Variants in TMX2 observed in about 807,000 individuals in gnomAD.
TMX2 encodes the protein thioredoxin-related transmembrane protein 2.
In TMX2, 20 loss-of-function variants were observed where a neutral mutation model predicts 33.4. That is an observed-to-expected ratio of 0.60 (90% CI 0.42 to 0.87). TMX2 has a LOEUF of 0.87. Among genes scored for constraint, TMX2 ranks in the 40% least tolerant of loss-of-function variants. TMX2 has a pLI of 0.00. For missense variants in TMX2, 340 were observed against 370.7 expected, an observed-to-expected ratio of 0.92 and a Z score of 0.68; for synonymous variants, 166 against 140.7, an observed-to-expected ratio of 1.18 and a Z score of -1.27.
At chr11:57,714,296 T>C (rs1946832425) in intron 1 of TMX2, among the ~76,000 whole-genome samples, 2 of 152,202 alleles carry the variant, frequency 1.3e-5, no homozygotes, top group South Asian at 4.1e-4. Context: ...AAGATGGCAT[T>C]GTAGATGAGT....
chr11:57,721,831 T>C (rs925637953), intron 1 of TMX2, among the ~76,000 whole-genome samples: 1 of 152,166 alleles, frequency 6.6e-6, no homozygotes, highest in Non-Finnish European at 1.5e-5. Context: ...GTGTTTCCTG[T>C]AGTATCCCAC....
Position 57,716,422 on chromosome 11 carries a change from GCGGC to G in TMX2, c.189+3616_189+3619del, listed in dbSNP as rs1947045899. Among the ~76,000 whole-genome samples the G allele has an allele frequency of 1.1e-4, 15 of 135,338 alleles. 1 individual carries two copies. Among genetic ancestry groups the G allele is most frequent in the African/African-American group, 4.1e-4 (15 of 36,970 alleles). The allele number at this position is 135,338 out of a possible 152,430, so 88.8% of individuals were successfully genotyped here. Reference sequence around the variant, plus strand: ...CCCCCCCACCTCCCTCCCGGACGGGGCGGCTGGCCGGGCGGGGGGCTGACCCCCC... The same window carrying G: ...CCCCCCCACCTCCCTCCCGGACGGGGTGGCCGGGCGGGGGGCTGACCCCCC... On this transcript the variant is annotated intron_variant, in intron 1 of 7. Transcript: ENST00000278422.
At chr11:57,730,880 A>G (rs970391977) in intron 1 of TMX2, among the ~76,000 whole-genome samples, 3 of 152,224 alleles carry the variant, frequency 2.0e-5, no homozygotes, top group African/African-American at 4.8e-5. Flanking sequence ...TACGGTTAGT[A>G]AGAAGGAATT....
intron 2 of TMX2, 104 bp from the exon 3 acceptor site, chr11:57,737,809 A>G (rs753263273): frequency 1.6e-5 from 26 of 1,607,466 alleles, no homozygotes; most frequent in South Asian, 7.7e-5. Context: ...TTGGACTTCT[A>G]TCCCCTCCCT....
At chr11:57,728,716 A>C (rs1948160985) in intron 1 of TMX2, among the ~76,000 whole-genome samples, 1 of 152,200 alleles carries the variant, frequency 6.6e-6, no homozygotes, top group East Asian at 1.9e-4. Flanking sequence ...TTGTGTGAGG[A>C]ACTGAACTGT....
chr11:57,734,860 G>A (rs1412252080), intron 1 of TMX2, among the ~76,000 whole-genome samples: 1 of 151,978 alleles, frequency 6.6e-6, no homozygotes, highest in African/African-American at 2.4e-5. Flanking sequence ...TCCTGGCAGG[G>A]CAGGGTGGCT....
chr11:57,712,901 C>T (rs1277636738), intron 1 of TMX2, 94 bp downstream of exon 1: 2 of 1,365,334 alleles, frequency 1.5e-6, no homozygotes, highest in Non-Finnish European at 2.0e-6. Context: ...TCTGAGGACA[C>T]CTGAGGTTCC....
intron 1 of TMX2, among the ~76,000 whole-genome samples, chr11:57,730,231 A>T (rs1335315310): frequency 6.6e-6 from 1 of 151,254 alleles, no homozygotes; most frequent in Non-Finnish European, 1.5e-5. Context: ...GTTCGAGACC[A>T]GCCTGGCCAA....
In TMX2 at chr11:57,739,234, C is replaced by T. The variant is rs897061272; in HGVS notation, c.718C>T (p.Arg240Trp). The stretch of plus-strand genomic sequence containing the variant: ...GCGGCCACAGATTGACAAGAAAGGA[C>T]GGGCTGTCTCATGGACCTTCTCTGA... The part of the protein sequence containing the change: ...MRRPQIDKKG[R>W]AVSWTFSEEN... The change falls in exon 7 of 8, where the codon CGG becomes TGG. Residue 240 changes from arginine to tryptophan, a missense_variant. Arg to Trp is a moderately radical substitution (Grantham distance 101). Coordinates refer to ENST00000278422, the MANE Select transcript of TMX2 (RefSeq NM_015959.4). 4.3e-6 allele frequency: 7 copies of T among 1,613,928 alleles called. No individual in the cohort carries two copies. Among genetic ancestry groups the T allele is most frequent in the African/African-American group, 1.3e-5 (1 of 74,872 alleles).
At chr11:57,716,919 G>A (rs1184823868) in intron 1 of TMX2, among the ~76,000 whole-genome samples, 6 of 150,762 alleles carry the variant, frequency 4.0e-5, no homozygotes, top group East Asian at 2.0e-4. Context: ...GGTTGGTGCC[G>A]GGCAGAGGGG....
At chr11:57,718,348 A>G in intron 1 of TMX2, 1 of 1,529,732 alleles carries the variant, frequency 6.5e-7, no homozygotes, top group Admixed American at 1.7e-5. Flanking sequence ...TCACCACCTG[A>G]TACATAAACC....
intron 1 of TMX2, among the ~76,000 whole-genome samples, chr11:57,725,106 C>G (rs1026921567): frequency 6.6e-6 from 1 of 151,774 alleles, no homozygotes; most frequent in African/African-American, 2.4e-5. Context: ...GGATGTTTTC[C>G]CCTTTCTAGT....
rs747160927 is a variant in TMX2, at chr11:57,712,696, C to T, written c.78C>T (p.Tyr26=). 6 of 1,614,202 alleles carry T rather than the reference C, an allele frequency of 3.7e-6. No individual in the cohort carries two copies. The South Asian group carries it at 4.4e-5, about 12-fold the overall frequency. ...RLSRWLAQPY[Y]LLSALLSAAF... is the part of the protein sequence containing the mutation. ...CACGATGGCTCGCCCAACCTTACTA[C>T]CTTCTGTCGGCCCTGCTCTCTGCTG... Residue 26 remains tyrosine, a synonymous_variant, in exon 1 of 8, where the codon TAC becomes TAT. Coordinates refer to ENST00000278422, the MANE Select transcript of TMX2 (RefSeq NM_015959.4).
At chr11:57,729,688 GGTT>G (rs1948231641) in intron 1 of TMX2, among the ~76,000 whole-genome samples, 1 of 152,112 alleles carries the variant, frequency 6.6e-6, no homozygotes, top group African/African-American at 2.4e-5. Context: ...ACAAAAAGGA[GGTT>G]GTTATGAGTC....
chr11:57,740,297 T>A lies in TMX2; in HGVS notation c.*52T>A. 2 of 1,529,358 alleles carry A rather than the reference T, an allele frequency of 1.3e-6. No individual in the cohort carries two copies. The highest frequency in any genetic ancestry group is 1.8e-6 in the Non-Finnish European group (2 of 1,142,328). The allele number at this position is 1,529,358 out of a possible 1,614,324, so 94.7% of individuals were successfully genotyped here. On this transcript the variant is annotated 3_prime_UTR_variant, in exon 8 of 8. Coordinates refer to ENST00000278422, the MANE Select transcript of TMX2 (RefSeq NM_015959.4). Reference sequence around the variant, plus strand: ...TCCTGTCAATTCCAGGCTCTTTCCATAACCACAAGCCTGAGGCTGCAGCCT... The same window carrying A: ...TCCTGTCAATTCCAGGCTCTTTCCAAAACCACAAGCCTGAGGCTGCAGCCT...
chr11:57,730,678 C>T (rs752240477), intron 1 of TMX2, among the ~76,000 whole-genome samples: 6 of 151,976 alleles, frequency 3.9e-5, no homozygotes, highest in Admixed American at 2.0e-4. Context: ...GCGGAGGTTG[C>T]AGTGAGCCGA....
intron 1 of TMX2, among the ~76,000 whole-genome samples, chr11:57,721,036 C>T (rs1344971664): frequency 3.4e-5 from 5 of 145,536 alleles, no homozygotes; most frequent in African/African-American, 1.3e-4. Flanking sequence ...AGGCCAGGTA[C>T]GGTGGCTGTA....
At position 57,737,931 on chromosome 11, in the gene TMX2, T is replaced by C. The variant is rs369636517; in HGVS notation, c.269T>C (p.Ile90Thr). 3.2e-5 allele frequency: 52 copies of C among 1,614,058 alleles called. No homozygotes were observed. The highest frequency in any genetic ancestry group is 3.8e-5 in the Non-Finnish European group (45 of 1,180,012). Reference sequence around the variant, plus strand: ...GTTTCAGTCACTGTGGAGCAACATATAGGCAACATTTTCATGTTTAGTAAA... The same window carrying C: ...GTTTCAGTCACTGTGGAGCAACATACAGGCAACATTTTCATGTTTAGTAAA... ...NRRSITVEQHIGNIFMFSKVA... is the reference protein window; with the variant it reads ...NRRSITVEQHTGNIFMFSKVA... Residue 90 changes from isoleucine (I) to threonine (T), a missense_variant, in exon 3 of 8, where the codon ATA becomes ACA. Transcript: ENST00000278422.
intron 1 of TMX2, chr11:57,718,450 C>T: frequency 8.9e-7 from 1 of 1,124,008 alleles, no homozygotes; most frequent in African/African-American, 1.5e-5. Flanking sequence ...TCTTTGGAAC[C>T]TTGTCTGCAA....
Sources: allele counts gnomAD v4.1 joint callset (sites outside exome capture counted in the v4.1 genomes callset), GRCh38; gene constraint gnomAD v4.1.1; transcripts MANE v1.5; gene names NCBI Gene and HGNC (gene_info 2026-07-23, HGNC 2026-07-21).